The following BCAP29 variants were observed in gnomAD, a reference collection of about 807,000 sequenced individuals.
The protein encoded by BCAP29 is B-cell receptor-associated protein 29.
Under a neutral mutation model 31.8 loss-of-function variants are expected in BCAP29, and 34 were observed. The ratio of observed to expected loss-of-function variants is 1.07; its 90% CI spans 0.81 to 1.42. The LOEUF (loss-of-function observed/expected upper bound fraction) is 1.42. BCAP29 is among the 40% of genes most tolerant of loss of function. BCAP29 has a pLI of 0.00. For missense variants in BCAP29, 314 were observed against 269.2 expected (o/e 1.17, Z -1.16); for synonymous variants, 104 against 91.3 (o/e 1.14, Z -0.79).
At chr7:107,598,131 A>G (rs925209843) in intron 5 of BCAP29, among the ~76,000 whole-genome samples, 1 of 152,178 alleles carries the variant, frequency 6.6e-6, no homozygotes, top group African/African-American at 2.4e-5. Context: ...CACCTTTTCC[A>G]AGTCAATGGC....
At chr7:107,599,306 A>ATATATATAAT (rs1563134245) in intron 5 of BCAP29, among the ~76,000 whole-genome samples, 1,082 of 25,944 alleles carry the variant, frequency 0.042, 62 homozygotes, top group African/African-American at 0.12. Flanking sequence ...TTATATATAA[A>ATATATATAAT]TTTTATATAT....
intron 4 of BCAP29, among the ~76,000 whole-genome samples, chr7:107,594,807 AT>A (rs1296911447): frequency 6.6e-6 from 1 of 151,992 alleles, no homozygotes; most frequent in African/African-American, 2.4e-5. Flanking sequence ...CGGCCTGTAG[AT>A]TTTTTTATAA....
intron 6 of BCAP29, among the ~76,000 whole-genome samples, chr7:107,600,796 T>C (rs1179508911): frequency 2.0e-5 from 3 of 152,366 alleles, no homozygotes; most frequent in South Asian, 2.1e-4. Flanking sequence ...ATAAATGTGT[T>C]TTTATAAAAA....
chr7:107,587,631 C>T (rs976414491), intron 3 of BCAP29: 3 of 151,902 alleles, frequency 2.0e-5, no homozygotes, highest in African/African-American at 7.3e-5. Context: ...CATTAAGATA[C>T]AGGAAATTTT....
At chr7:107,608,625 T>G (rs1403879005) in intron 6 of BCAP29, among the ~76,000 whole-genome samples, 2 of 152,222 alleles carry the variant, frequency 1.3e-5, no homozygotes, top group African/African-American at 4.8e-5. Flanking sequence ...ACTATTTATT[T>G]ATATTTTATT....
intron 6 of BCAP29, among the ~76,000 whole-genome samples, chr7:107,601,478 AAAG>A (rs1020821093): frequency 2.0e-5 from 3 of 152,198 alleles, no homozygotes; most frequent in Admixed American, 2.0e-4. Context: ...CAAGTGAAAA[AAAG>A]AAGACAGTTC....
Position 107,619,250 on chromosome 7 carries a change from C to G in BCAP29, c.*887C>G, listed in dbSNP as rs1340497810. On this transcript the variant is annotated 3_prime_UTR_variant, in exon 8 of 8. Transcript: ENST00000005259. The stretch of plus-strand genomic sequence containing the variant: ...ACCTCAAAAATACATACACTGGTAT[C>G]ACACAGTCTTTCTACAATGTTTCTG... 6.6e-6 allele frequency: 1 copy of G among 152,470 alleles called. No individual in the cohort carries two copies. The highest frequency in any genetic ancestry group is 2.4e-5 in the African/African-American group (1 of 41,414). The allele number at this position is 152,470 out of a possible 1,614,324, so 9.4% of individuals were successfully genotyped here.
chr7:107,587,531 A>G (rs545168318), intron 3 of BCAP29: 109 of 152,270 alleles, frequency 7.2e-4, no homozygotes, highest in Admixed American at 2.7e-3. Flanking sequence ...AGTCGTAAAT[A>G]TATATTATCT....
intron 2 of BCAP29, among the ~76,000 whole-genome samples, chr7:107,581,269 G>A (rs1806609406): frequency 6.6e-6 from 1 of 152,160 alleles, no homozygotes; most frequent in African/African-American, 2.4e-5. Flanking sequence ...GTTTCACTGA[G>A]GCACTGGAAC....
chr7:107,614,945 C>A (rs1813847469), intron 7 of BCAP29, among the ~76,000 whole-genome samples: 1 of 152,194 alleles, frequency 6.6e-6, no homozygotes, highest in Non-Finnish European at 1.5e-5. Flanking sequence ...ACTTCAGAGA[C>A]CTCTTGCCTA....
At chr7:107,585,471 C>T (rs1440264344) in intron 3 of BCAP29, among the ~76,000 whole-genome samples, 4 of 152,078 alleles carry the variant, frequency 2.6e-5, no homozygotes, top group African/African-American at 4.8e-5. Flanking sequence ...TAAGGAAAAC[C>T]GGTTCCAGTT....
rs766185837 is a variant in BCAP29, at chr7:107,618,470, T to G, written c.*107T>G. On this transcript the variant is annotated 3_prime_UTR_variant, in exon 8 of 8. Coordinates refer to ENST00000005259, the MANE Select transcript of BCAP29 (RefSeq NM_018844.4). ...AAATGCACTATGACCGGTTCGTAATTTTTTTAATGCCACACATAGGTTGTA... is the reference window on the plus strand; with the variant it reads ...AAATGCACTATGACCGGTTCGTAATGTTTTTAATGCCACACATAGGTTGTA... 2.1e-5 allele frequency: 34 copies of G among 1,613,108 alleles called. No homozygotes were observed. Among genetic ancestry groups the G allele is most frequent in the Non-Finnish European group, 2.1e-5 (25 of 1,179,372 alleles).
chr7:107,582,086 G>A (rs888645043), intron 2 of BCAP29, among the ~76,000 whole-genome samples: 1 of 152,054 alleles, frequency 6.6e-6, no homozygotes, highest in Non-Finnish European at 1.5e-5. Context: ...TTGCTTTTTG[G>A]TAATATTTGC....
chr7:107,619,827 T>A lies in BCAP29; in HGVS notation c.*1464T>A, dbSNP rs1033168881. 1.6e-4 allele frequency: 24 copies of A among 152,186 alleles called. No individual in the cohort carries two copies. The highest frequency in any genetic ancestry group is 5.8e-4 in the African/African-American group (24 of 41,448). 9.4% of individuals were successfully genotyped at this position (152,186 alleles called of 1,614,324 possible). On this transcript the variant is annotated 3_prime_UTR_variant, in exon 8 of 8. Coordinates refer to ENST00000005259, the MANE Select transcript of BCAP29 (RefSeq NM_018844.4). ...CCTAGCCTACTATGTGAAAATTAAG[T>A]CTAATGTCAGAATAACTTACAGAAA...
intron 6 of BCAP29, among the ~76,000 whole-genome samples, chr7:107,610,832 ACTT>A (rs1270660073): frequency 7.9e-5 from 12 of 152,236 alleles, no homozygotes; most frequent in African/African-American, 2.7e-4. Context: ...TTATTAAATA[ACTT>A]CTTAATGTCA....
intron 5 of BCAP29, among the ~76,000 whole-genome samples, chr7:107,597,250 T>G (rs1810023024): frequency 6.6e-6 from 1 of 152,168 alleles, no homozygotes; most frequent in African/African-American, 2.4e-5. Flanking sequence ...TTCCTTCCTT[T>G]CTTTCCTTTC....
At chr7:107,598,923 ACACACACACG>A (rs1350892538) in intron 5 of BCAP29, among the ~76,000 whole-genome samples, 8 of 114,206 alleles carry the variant, frequency 7.0e-5, no homozygotes, top group Non-Finnish European at 9.6e-5. Flanking sequence ...ACACACACAC[ACACACACACG>A]CACGCACATA....
intron 6 of BCAP29, among the ~76,000 whole-genome samples, chr7:107,609,545 T>TA: frequency 1.3e-5 from 2 of 152,312 alleles, no homozygotes; most frequent in East Asian, 3.9e-4. Context: ...GGTGTGAGGT[T>TA]AAAAGAGATT....
intron 6 of BCAP29, among the ~76,000 whole-genome samples, chr7:107,612,420 TA>T (rs1563141367): frequency 0.031 from 1,371 of 44,286 alleles, 119 homozygotes; most frequent in African/African-American, 0.059. Flanking sequence ...TATATATATA[TA>T]TATATATATA....
Sources: gnomAD v4.1 joint callset for allele counts (sites outside exome capture counted in the v4.1 genomes callset) on GRCh38, gnomAD v4.1.1 for gene constraint, MANE v1.5 for transcripts, NCBI Gene and HGNC (gene_info 2026-07-23, HGNC 2026-07-21) for gene names.